The following SPINK9 variants were observed in gnomAD, a reference collection of about 807,000 sequenced individuals.
The protein encoded by SPINK9 is serine peptidase inhibitor Kazal type 9.
A neutral mutation model predicts 10.8 loss-of-function variants in SPINK9; 3 were observed. That is an observed-to-expected ratio of 0.28 (90% CI 0.13 to 0.72). The LOEUF is 0.72. SPINK9 is among the 30% of genes least tolerant of loss of function. The probability of loss-of-function intolerance (pLI) is 0.74; values close to 1 mark genes in which losing one functional copy is unlikely to be tolerated. For synonymous variants in SPINK9, 30 were observed against 31.2 expected (o/e 0.96, Z 0.12); for missense variants, 101 against 103.2 (o/e 0.98, Z 0.09).
At chr5:148,335,213 G>T (rs1757200676), upstream of SPINK9, among the ~76,000 whole-genome samples, 1 of 152,116 alleles carries the variant, frequency 6.6e-6, no homozygotes, top group African/African-American at 2.4e-5. Flanking sequence ...GAATTCAAAT[G>T]ACTCATGGTT....
upstream of SPINK9, among the ~76,000 whole-genome samples, chr5:148,330,758 C>T (rs552971283): frequency 7.0e-4 from 106 of 152,230 alleles, no homozygotes; most frequent in African/African-American, 2.4e-3. Context: ...TTCTCCTTCA[C>T]TTATGAAGCT....
rs886150912 is a variant in SPINK9, at chr5:148,336,426, A to C, written c.60A>C (p.Ile20=). 6.2e-6 allele frequency: 10 copies of C among 1,613,594 alleles called. No homozygotes were observed. The East Asian group carries it at 2.0e-4, about 32-fold the overall frequency. ...TTGTCTTTGTTTTTCTTCCAGGTAT[A>C]GAATGTGCCAAACAGACGAAACAGA... ...LALTLATMFS[I]ECAKQTKQMV... The change falls in exon 2 of 4, where the codon ATA becomes ATC. Residue 20 remains isoleucine, a synonymous_variant. Transcript: ENST00000377906.
upstream of SPINK9, among the ~76,000 whole-genome samples, chr5:148,333,293 A>C (rs981092950): frequency 6.6e-6 from 1 of 152,224 alleles, no homozygotes; most frequent in African/African-American, 2.4e-5. Context: ...GGCAAGCCCC[A>C]AAATTGCGGC....
chr5:148,329,460 C>A (rs1184511622), intron 2 of SPINK9, among the ~76,000 whole-genome samples: 1 of 152,118 alleles, frequency 6.6e-6, no homozygotes, highest in Non-Finnish European at 1.5e-5. Context: ...AAACCAGCTC[C>A]CGGATTCACT....
chr5:148,338,021 CTG>C (rs1757239198), intron 2 of SPINK9, among the ~76,000 whole-genome samples: 1 of 152,052 alleles, frequency 6.6e-6, no homozygotes, highest in African/African-American at 2.4e-5. Context: ...TAGTAAAAAT[CTG>C]TCAGTAATGT....
At chr5:148,333,226 T>C (rs1164172336), upstream of SPINK9, among the ~76,000 whole-genome samples, 1 of 152,182 alleles carries the variant, frequency 6.6e-6, no homozygotes, top group Non-Finnish European at 1.5e-5. Flanking sequence ...ACTTCTTTTA[T>C]CGGTTTAATA....
intron 2 of SPINK9, among the ~76,000 whole-genome samples, chr5:148,330,085 G>A (rs1349728146): frequency 6.6e-6 from 1 of 152,134 alleles, no homozygotes; most frequent in Non-Finnish European, 1.5e-5. Flanking sequence ...TCGTTGATCT[G>A]TCTAATGTTG....
intron 3 of SPINK9, among the ~76,000 whole-genome samples, chr5:148,339,440 T>G (rs1304876551): frequency 6.6e-6 from 1 of 152,104 alleles, no homozygotes; most frequent in Non-Finnish European, 1.5e-5. Flanking sequence ...AAAAAAAAAT[T>G]AAAACATTTC....
chr5:148,338,586 T>G lies in SPINK9; in HGVS notation c.196T>G (p.Phe66Val). 6.3e-7 allele frequency: 1 copy of G among 1,591,162 alleles called. No homozygotes were observed. The highest frequency in any genetic ancestry group is 1.1e-5 in the South Asian group (1 of 89,996). Residue 66 changes from phenylalanine (F) to valine (V), a missense_variant, in exon 3 of 4, where the codon TTC becomes GTC. Transcript: ENST00000377906. The stretch of plus-strand genomic sequence containing the variant: ...TGGCAAAACTTATAAAAATGATTGC[T>G]TCTTCTGTTCTAAAGTTAAGTAAGT... ...SDGKTYKNDC[F>V]FCSKVKKTDG...
At chr5:148,332,996 T>C (rs181954489), upstream of SPINK9, among the ~76,000 whole-genome samples, 1 of 152,276 alleles carries the variant, frequency 6.6e-6, no homozygotes, top group Admixed American at 6.5e-5. Flanking sequence ...AATAAGTTGG[T>C]AGCATTTAAA....
chr5:148,336,595 A>G, intron 2 of SPINK9, 142 bp downstream of exon 2: 2 of 900,450 alleles, frequency 2.2e-6, no homozygotes, highest in Non-Finnish European at 1.7e-6. Context: ...CAAAAATTGT[A>G]GGCAGATCTT....
At chr5:148,328,721 G>T (rs1757104617) in intron 2 of SPINK9, among the ~76,000 whole-genome samples, 1 of 152,174 alleles carries the variant, frequency 6.6e-6, no homozygotes, top group Non-Finnish European at 1.5e-5. Context: ...AAGTGTTGTT[G>T]AATTTTGTCA....
chr5:148,338,471 T>G lies in SPINK9; in HGVS notation c.88-7T>G. The G allele has an allele frequency of 6.3e-7, 1 of 1,588,336 alleles. No homozygotes were observed. The highest frequency in any genetic ancestry group is 8.5e-7 in the Non-Finnish European group (1 of 1,171,834). On this transcript the variant is annotated splice_polypyrimidine_tract_variant and splice_region_variant and intron_variant, in intron 2 of 3. Transcript: ENST00000377906. ...AAGAGTTGAAGGTTTTTAATATGTT[T>G]TTTCAGGTTGACTGCAGTCATTATA...
At chr5:148,327,982 A>G (rs1475610627) in intron 2 of SPINK9, among the ~76,000 whole-genome samples, 4 of 150,398 alleles carry the variant, frequency 2.7e-5, no homozygotes, top group Non-Finnish European at 6.0e-5. Flanking sequence ...TTGACTTGGC[A>G]ATGCGGGCTC....
chr5:148,327,987 G>C (rs1362372707), intron 2 of SPINK9, among the ~76,000 whole-genome samples: 3 of 150,624 alleles, frequency 2.0e-5, no homozygotes, highest in Non-Finnish European at 3.0e-5. Flanking sequence ...TTGGCAATGC[G>C]GGCTCTTTTT....
chr5:148,336,736 A>G (rs1023583569), intron 2 of SPINK9, among the ~76,000 whole-genome samples: 2 of 152,214 alleles, frequency 1.3e-5, no homozygotes, highest in African/African-American at 2.4e-5. Context: ...CAAGACTTGA[A>G]GCCATAGTAT....
At chr5:148,326,176 G>C (rs1458048468) in intron 2 of SPINK9, among the ~76,000 whole-genome samples, 3 of 152,080 alleles carry the variant, frequency 2.0e-5, no homozygotes, top group Non-Finnish European at 2.9e-5. Flanking sequence ...AGAGAAATGT[G>C]AATTAAAACC....
chr5:148,330,270 T>A (rs1473893991), intron 2 of SPINK9, among the ~76,000 whole-genome samples: 1 of 152,230 alleles, frequency 6.6e-6, no homozygotes, highest in Non-Finnish European at 1.5e-5. Context: ...TGGCCTTCTT[T>A]GTCTCTTTTG....
rs1757018948 is a variant in SPINK9, at chr5:148,323,201, C to T, written c.-72-478C>T. Among the ~76,000 whole-genome samples the T allele has an allele frequency of 3.9e-5, 6 of 152,142 alleles. No individual in the cohort carries two copies. In the South Asian group the frequency reaches 1.2e-3, roughly 32 times the overall value. Reference sequence around the variant, plus strand: ...GAACTACTTATTGGGTTATGAGATACTGTCTAAAGATGATGACATAGAAAT... The same window carrying T: ...GAACTACTTATTGGGTTATGAGATATTGTCTAAAGATGATGACATAGAAAT... On this transcript the variant is annotated intron_variant, in intron 1 of 4. Transcript: ENST00000511717.
Sources: gnomAD v4.1 joint callset for allele counts (sites outside exome capture counted in the v4.1 genomes callset) on GRCh38, gnomAD v4.1.1 for gene constraint, MANE v1.5 for transcripts, NCBI Gene and HGNC (gene_info 2026-07-23, HGNC 2026-07-21) for gene names.